RFTN2: variants seen among roughly 807,000 people sequenced by gnomAD.
RFTN2 encodes raftlin-2.
A neutral mutation model predicts 52.7 loss-of-function variants in RFTN2; 34 were observed. The ratio of observed to expected loss-of-function variants is 0.64; its 90% CI spans 0.49 to 0.86. The LOEUF is 0.86. RFTN2 is among the 40% of genes least tolerant of loss of function. RFTN2 has a pLI of 0.00. For synonymous variants in RFTN2, 203 were observed against 217.7 expected (o/e 0.93, Z 0.59); for missense variants, 536 against 600.1 (o/e 0.89, Z 1.12).
Position 197,572,113 on chromosome 2 carries a change from C to T in RFTN2, c.1401G>A (p.Gln467=). ...ECWTKEGRLA[Q]HNSFSGFSSS... Reference sequence around the variant, plus strand: ...TGCTGAACCCAGAGAAGCTGTTGTGCTGTGCCAGCCTTCCCTCCTTTGTCC... The same window carrying T: ...TGCTGAACCCAGAGAAGCTGTTGTGTTGTGCCAGCCTTCCCTCCTTTGTCC... The change falls in exon 9 of 9, where the codon CAG becomes CAA. Residue 467 remains glutamine (Q), a synonymous_variant. Coordinates refer to ENST00000295049, the MANE Select transcript of RFTN2 (RefSeq NM_144629.3). 2.5e-6 allele frequency: 4 copies of T among 1,614,278 alleles called. No individual in the cohort carries two copies. Among genetic ancestry groups the T allele is most frequent in the Non-Finnish European group, 3.4e-6 (4 of 1,180,050 alleles).
In RFTN2 at chr2:197,570,389, T is replaced by G. The variant is rs947994349; in HGVS notation, c.*1619A>C. ...GGAGATTGACTTAGTTTAGATACAC[T>G]ATATAATTGATAACATGTAATACAT... is the stretch of plus-strand genomic sequence containing the variant. On this transcript the variant is annotated 3_prime_UTR_variant, in exon 9 of 9. Transcript: ENST00000295049. 9 of 152,216 alleles carry G rather than the reference T, an allele frequency of 5.9e-5. No individual in the cohort carries two copies. Among genetic ancestry groups the G allele is most frequent in the African/African-American group, 2.2e-4 (9 of 41,450 alleles). The allele number at this position is 152,216 out of a possible 1,614,324, so 9.4% of individuals were successfully genotyped here.
chr2:197,600,905 T>C (rs977998530), intron 7 of RFTN2, among the ~76,000 whole-genome samples: 1 of 152,166 alleles, frequency 6.6e-6, no homozygotes, highest in African/African-American at 2.4e-5. Context: ...GAGATAGTAA[T>C]TTAAATTCTG....
At chr2:197,640,448 T>C (rs1230265195) in intron 3 of RFTN2, among the ~76,000 whole-genome samples, 321 of 152,262 alleles carry the variant, frequency 2.1e-3, no homozygotes, top group Non-Finnish European at 3.2e-3. Context: ...TGCGCCGTTT[T>C]TTAAGCCGGT....
At chr2:197,590,179 A>G (rs974450592) in intron 8 of RFTN2, among the ~76,000 whole-genome samples, 9 of 152,096 alleles carry the variant, frequency 5.9e-5, no homozygotes, top group Non-Finnish European at 1.0e-4. Flanking sequence ...TGCTGAGATT[A>G]CAGGTGTGAG....
intron 3 of RFTN2, among the ~76,000 whole-genome samples, chr2:197,638,404 T>C (rs2088605243): frequency 2.2e-5 from 2 of 92,140 alleles, no homozygotes; most frequent in Non-Finnish European, 4.5e-5. Flanking sequence ...CAGGACTTGC[T>C]TTATGAATCT....
At chr2:197,599,867 A>AT (rs976209012) in intron 7 of RFTN2, among the ~76,000 whole-genome samples, 1 of 146,232 alleles carries the variant, frequency 6.8e-6, no homozygotes, top group Non-Finnish European at 1.5e-5. Context: ...TTTATATTTT[A>AT]TTTTTTTTGA....
rs1162311631 is a variant in RFTN2, at chr2:197,617,827, G to A, written c.1023C>T (p.Ile341=). ...CAATAACAGTCCATTGTTCTACTAC[G>A]ATGGCATCATTTCCTTTCCTACTAG... ...PGSSRKGNDA[I]VVEQWTVIEG... The change falls in exon 6 of 9, where the codon ATC becomes ATT. Residue 341 remains isoleucine, a synonymous_variant. Coordinates refer to ENST00000295049, the MANE Select transcript of RFTN2 (RefSeq NM_144629.3). The A allele has an allele frequency of 3.7e-6, 6 of 1,604,940 alleles. No individual in the cohort carries two copies. Among genetic ancestry groups the A allele is most frequent in the African/African-American group, 1.3e-5 (1 of 74,530 alleles).
chr2:197,626,779 CAGCACATTTTTTGT>C (rs975384534), intron 5 of RFTN2, among the ~76,000 whole-genome samples: 2 of 151,706 alleles, frequency 1.3e-5, no homozygotes, highest in African/African-American at 4.8e-5. Context: ...CCACCACATC[CAGCACATTTTTTGT>C]ATTTTTAGTA....
rs1462379564 is a variant in RFTN2 at position 197,675,574 on chromosome 2, A to G, written c.-116T>C. ...AACTGCTTTGATTTTGTTTTCAGCT[A>G]AACTATAGATAACCAAAAAAAAAAA... On this transcript the variant is annotated 5_prime_UTR_variant, in exon 1 of 9. Coordinates refer to ENST00000295049, the MANE Select transcript of RFTN2 (RefSeq NM_144629.3). 5.4e-6 allele frequency: 2 copies of G among 367,994 alleles called. No individual in the cohort carries two copies. The highest frequency in any genetic ancestry group is 1.2e-4 in the East Asian group (2 of 16,716). 22.8% of individuals were successfully genotyped at this position (367,994 alleles called of 1,614,324 possible).
chr2:197,611,125 C>G (rs1437311036), intron 7 of RFTN2, among the ~76,000 whole-genome samples: 2 of 152,068 alleles, frequency 1.3e-5, no homozygotes, highest in Non-Finnish European at 1.5e-5. Context: ...ATGCTGGCCT[C>G]AAAAATGAGT....
chr2:197,636,293 T>G (rs76898354), intron 3 of RFTN2, among the ~76,000 whole-genome samples: 45,529 of 114,472 alleles, frequency 0.4, 9,083 homozygotes, highest in Middle Eastern at 0.49. Context: ...TTGGTAGCTT[T>G]ATGGGGATGG....
intron 1 of RFTN2, among the ~76,000 whole-genome samples, chr2:197,651,611 C>T (rs1169885400): frequency 6.6e-6 from 1 of 151,676 alleles, no homozygotes; most frequent in Non-Finnish European, 1.5e-5. Flanking sequence ...AGTGAAACTC[C>T]ATCTCAAAAA....
intron 3 of RFTN2, among the ~76,000 whole-genome samples, chr2:197,637,252 C>G (rs545620813): frequency 6.6e-6 from 1 of 151,916 alleles, no homozygotes; most frequent in Admixed American, 6.6e-5. Flanking sequence ...ATGCTAGCCT[C>G]ATAAAATGAG....
rs2087504262 is a variant in RFTN2, at chr2:197,581,299, C to T, written c.1234-9019G>A. ...TCCATCTTGTGGTGCCCAACCTGTA[C>T]ACTCTTTTGTCCTCAATACCTTCCT... is the stretch of plus-strand genomic sequence containing the variant. On this transcript the variant is annotated intron_variant, in intron 8 of 8. Coordinates refer to ENST00000295049, the MANE Select transcript of RFTN2 (RefSeq NM_144629.3). Among the ~76,000 whole-genome samples, 4 of 152,206 alleles carry T rather than the reference C, an allele frequency of 2.6e-5. No individual in the cohort carries two copies. The South Asian group carries it at 8.3e-4, about 32-fold the overall frequency.
At chr2:197,625,156 T>C (rs1358636207) in intron 5 of RFTN2, among the ~76,000 whole-genome samples, 2 of 152,116 alleles carry the variant, frequency 1.3e-5, no homozygotes, top group Admixed American at 6.5e-5. Context: ...GCCCATTCTT[T>C]TCAAATATAT....
At chr2:197,641,820 A>G (rs560141630) in intron 3 of RFTN2, among the ~76,000 whole-genome samples, 2 of 152,340 alleles carry the variant, frequency 1.3e-5, no homozygotes, top group Admixed American at 1.3e-4. Context: ...GCAATGCTCA[A>G]ATATTTCATG....
At chr2:197,614,983 T>G (rs936321962) in intron 7 of RFTN2, among the ~76,000 whole-genome samples, 3 of 151,996 alleles carry the variant, frequency 2.0e-5, no homozygotes, top group Non-Finnish European at 4.4e-5. Context: ...AAACTTGAGT[T>G]TCTTTACTTT....
chr2:197,632,476 C>T (rs919974303), intron 4 of RFTN2, among the ~76,000 whole-genome samples: 1 of 152,208 alleles, frequency 6.6e-6, no homozygotes, highest in Non-Finnish European at 1.5e-5. Flanking sequence ...TTTGCTTTCC[C>T]TTCTGCCATG....
At chr2:197,586,830 T>G (rs1166357671) in intron 8 of RFTN2, among the ~76,000 whole-genome samples, 2 of 152,194 alleles carry the variant, frequency 1.3e-5, no homozygotes, top group Non-Finnish European at 2.9e-5. Context: ...GGCCTTGACT[T>G]ACTCACTGCT....
Sources: allele counts gnomAD v4.1 joint callset (sites outside exome capture counted in the v4.1 genomes callset), GRCh38; gene constraint gnomAD v4.1.1; transcripts MANE v1.5; gene names NCBI Gene and HGNC (gene_info 2026-07-23, HGNC 2026-07-21).